KCNH1: variants seen among roughly 807,000 people sequenced by gnomAD.
The protein encoded by KCNH1 is voltage-gated delayed rectifier potassium channel KCNH1.
A neutral mutation model predicts 69.2 loss-of-function variants in KCNH1; 27 were observed. The ratio of observed to expected loss-of-function variants is 0.39; its 90% CI spans 0.29 to 0.54. The LOEUF (loss-of-function observed/expected upper bound fraction) is 0.54, where lower values mean the gene tolerates loss of function less well. KCNH1 is among the 20% of genes least tolerant of loss of function. KCNH1 has a pLI of 0.68. For synonymous variants in KCNH1, 456 were observed against 487.7 expected (o/e 0.93, Z 0.86); for missense variants, 798 against 1,261.6 (o/e 0.63, Z 5.57).
intron 7 of KCNH1, among the ~76,000 whole-genome samples, chr1:210,912,369 CT>C (rs1687251717): frequency 6.6e-6 from 1 of 152,076 alleles, no homozygotes; most frequent in Non-Finnish European, 1.5e-5. Context: ...TAGGGCTTCC[CT>C]TAACTTGCTC....
At chr1:210,868,743 C>T in intron 7 of KCNH1, among the ~76,000 whole-genome samples, 1 of 152,060 alleles carries the variant, frequency 6.6e-6, no homozygotes, top group East Asian at 1.9e-4. Context: ...TTCTCATTAA[C>T]TCCTACCAAC....
At chr1:211,002,442 A>T (rs896830754) in intron 6 of KCNH1, among the ~76,000 whole-genome samples, 12 of 151,634 alleles carry the variant, frequency 7.9e-5, no homozygotes, top group Non-Finnish European at 1.3e-4. Context: ...AATCCAAAAT[A>T]ACTAGCACAT....
In KCNH1 at chr1:211,057,444, T is replaced by A. The variant is rs142548243; in HGVS notation, c.558+25336A>T. On this transcript the variant is annotated intron_variant, in intron 5 of 10. Transcript: ENST00000271751. The stretch of plus-strand genomic sequence containing the variant: ...TGAGCCCAGGAGTTCGAGACCAGCC[T>A]GGGCAACATGCAAAACCCCATCTCT... Among the ~76,000 whole-genome samples the A allele has an allele frequency of 5.8e-4, 88 of 152,274 alleles. 2 individuals are homozygous for A. In the East Asian group the frequency reaches 0.017, roughly 29 times the overall value.
intron 10 of KCNH1, among the ~76,000 whole-genome samples, chr1:210,749,998 C>A (rs1005024248): frequency 6.6e-6 from 1 of 152,208 alleles, no homozygotes; most frequent in Admixed American, 6.5e-5. Context: ...CCACCTCCGT[C>A]TCCCAAAGTG....
At chr1:211,081,254 A>G (rs1221642263) in intron 5 of KCNH1, among the ~76,000 whole-genome samples, 1 of 152,268 alleles carries the variant, frequency 6.6e-6, no homozygotes, top group East Asian at 1.9e-4. Context: ...AATGCAAATC[A>G]AAACCACGAT....
rs142198525 is a variant in KCNH1, at chr1:210,891,957, C to G, written c.1462+27683G>C. ...AACCATCATTCTCAGCAAACTAACA[C>G]AAGAACAGAAAACCAAACACCACAT... On this transcript the variant is annotated intron_variant, in intron 7 of 10. Transcript: ENST00000271751. Among the ~76,000 whole-genome samples the G allele has an allele frequency of 6.0e-4, 92 of 152,248 alleles. 1 individual carries two copies. The highest frequency in any genetic ancestry group is 2.2e-3 in the African/African-American group (91 of 41,568).
chr1:210,770,036 T>C (rs1210746125), intron 10 of KCNH1, among the ~76,000 whole-genome samples: 1 of 152,034 alleles, frequency 6.6e-6, no homozygotes, highest in Non-Finnish European at 1.5e-5. Flanking sequence ...AAAGAATGAG[T>C]TCATGTCCTT....
intron 7 of KCNH1, among the ~76,000 whole-genome samples, chr1:210,914,205 G>A (rs1043088606): frequency 1.3e-4 from 20 of 152,006 alleles, no homozygotes; most frequent in African/African-American, 4.8e-4. Context: ...CACCAAAGAC[G>A]CCTTCCAAAA....
In KCNH1 at chr1:210,795,120, CTTGTTT is replaced by C. The variant is rs1299248371; in HGVS notation, c.1915+2382_1915+2387del. 3.7e-5 allele frequency among the ~76,000 whole-genome samples: 5 copies of C among 135,564 alleles called. No individual in the cohort carries two copies. The East Asian group carries it at 1.0e-3, about 27-fold the overall frequency. 88.9% of individuals were successfully genotyped at this position (135,564 alleles called of 152,430 possible). On this transcript the variant is annotated intron_variant, in intron 9 of 10. Transcript: ENST00000271751. Reference sequence around the variant, plus strand: ...CCATTCCCCACCCAATTTCTTTTTGCTTGTTTTTGTTGTTGTTGTTGTTGTTGTTGT... The same window carrying C: ...CCATTCCCCACCCAATTTCTTTTTGCTTGTTGTTGTTGTTGTTGTTGTTGT...
chr1:210,786,270 A>G (rs940112285), intron 9 of KCNH1, among the ~76,000 whole-genome samples: 3 of 152,228 alleles, frequency 2.0e-5, no homozygotes, highest in East Asian at 1.9e-4. Context: ...GGTGTTTAGC[A>G]TTTTTATCTC....
At chr1:210,753,500 G>C (rs1167187592) in intron 10 of KCNH1, among the ~76,000 whole-genome samples, 1 of 152,208 alleles carries the variant, frequency 6.6e-6, no homozygotes, top group Non-Finnish European at 1.5e-5. Flanking sequence ...AAGAAGCAGG[G>C]TCTGTCCTGG....
At chr1:210,752,715 G>A (rs184028163) in intron 10 of KCNH1, among the ~76,000 whole-genome samples, 2 of 152,188 alleles carry the variant, frequency 1.3e-5, no homozygotes, top group African/African-American at 2.4e-5. Context: ...GAAGAGGAAA[G>A]GGATGTGTAG....
At chr1:210,917,347 GAA>G (rs1231778242) in intron 7 of KCNH1, among the ~76,000 whole-genome samples, 1 of 151,944 alleles carries the variant, frequency 6.6e-6, no homozygotes, top group Admixed American at 6.6e-5. Context: ...CAGAGAGAGA[GAA>G]AGAGAGAGAG....
chr1:210,784,345 C>T lies in KCNH1; in HGVS notation c.1916-8801G>A, dbSNP rs188674966. Among the ~76,000 whole-genome samples the T allele has an allele frequency of 9.8e-4, 149 of 152,272 alleles. 3 individuals carry two copies. The highest frequency in any genetic ancestry group is 7.9e-3 in the Admixed American group (121 of 15,292). The stretch of plus-strand genomic sequence containing the variant: ...AATAAATGCTGCTGGCAGTATGTGA[C>T]CTTATTTTATCTGCTACAGTTTACA... On this transcript the variant is annotated intron_variant, in intron 9 of 10. Coordinates refer to ENST00000271751, the MANE Select transcript of KCNH1 (RefSeq NM_172362.3).
At chr1:210,945,685 C>G (rs1296367036) in intron 6 of KCNH1, among the ~76,000 whole-genome samples, 1 of 152,176 alleles carries the variant, frequency 6.6e-6, no homozygotes, top group East Asian at 1.9e-4. Flanking sequence ...CAGTCACTCC[C>G]ACGTAGTCAC....
In KCNH1 at chr1:211,109,595, G is replaced by A. The variant is rs7523922; in HGVS notation, c.80-2218C>T. On this transcript the variant is annotated intron_variant, in intron 1 of 10. Coordinates refer to ENST00000271751, the MANE Select transcript of KCNH1 (RefSeq NM_172362.3). ...CTGAGTGTGCTTTATCATGGCTAAT[G>A]CTCCACTGAGATTATCTATGCGGAA... Among the ~76,000 whole-genome samples, 352 of 152,224 alleles carry A rather than the reference G, an allele frequency of 2.3e-3. 5 individuals are homozygous for A. The highest frequency in any genetic ancestry group is 7.6e-3 in the African/African-American group (315 of 41,530).
intron 7 of KCNH1, among the ~76,000 whole-genome samples, chr1:210,917,703 C>T (rs959758646): frequency 3.9e-5 from 6 of 152,132 alleles, no homozygotes; most frequent in African/African-American, 1.4e-4. Context: ...CTCATCTCCC[C>T]CTCCCTCTAA....
In KCNH1 at chr1:210,806,822, A is replaced by ATATAT. The variant is rs1553346543; in HGVS notation, c.1463-2657_1463-2656insATATA. ...CCATCTCTACCAAAAAAAAAAAAAA[A>ATATAT]AAAAAAAAAAAAAAATATATATATA... On this transcript the variant is annotated intron_variant, in intron 7 of 10. Transcript: ENST00000271751. Among the ~76,000 whole-genome samples the ATATAT allele has an allele frequency of 5.0e-4, 21 of 42,098 alleles. 1 individual carries two copies. Among genetic ancestry groups the ATATAT allele is most frequent in the East Asian group, 2.6e-3 (3 of 1,146 alleles). 27.6% of individuals were successfully genotyped at this position (42,098 alleles called of 152,430 possible). A position where few individuals can be genotyped will look rare whatever the true frequency, so the allele number is the denominator to read the frequency against.
rs978100993 is a variant in KCNH1 at position 211,036,640 on chromosome 1, C to T, written c.559-17384G>A. Reference sequence around the variant, plus strand: ...ATAGAAGCATGCCCTATGTTAGACGCTCAATGAGATTTCAGAAGCTTTGCG... The same window carrying T: ...ATAGAAGCATGCCCTATGTTAGACGTTCAATGAGATTTCAGAAGCTTTGCG... On this transcript the variant is annotated intron_variant, in intron 5 of 10. Transcript: ENST00000271751. Among the ~76,000 whole-genome samples the T allele has an allele frequency of 8.5e-5, 13 of 152,180 alleles. 1 individual carries two copies. Among genetic ancestry groups the T allele is most frequent in the African/African-American group, 3.1e-4 (13 of 41,442 alleles).
Sources: allele counts gnomAD v4.1 joint callset (sites outside exome capture counted in the v4.1 genomes callset), GRCh38; gene constraint gnomAD v4.1.1; transcripts MANE v1.5; gene names NCBI Gene and HGNC (gene_info 2026-07-23, HGNC 2026-07-21).